The following SPAG6 variants were observed in gnomAD, a reference collection of about 807,000 sequenced individuals.
SPAG6 encodes the protein sperm associated antigen 6.
A neutral mutation model predicts 58.5 loss-of-function variants in SPAG6; 49 were observed. The observed-to-expected ratio is 0.84, with a 90% CI of 0.67 to 1.06. The LOEUF (loss-of-function observed/expected upper bound fraction) is 1.06, where lower values mean the gene tolerates loss of function less well. Among genes scored for constraint, SPAG6 ranks in the 50% least tolerant of loss-of-function variants. The pLI is 0.00. For missense variants in SPAG6, 560 were observed against 611.3 expected (o/e 0.92, Z 0.89); for synonymous variants, 233 against 225.6 (o/e 1.03, Z -0.29).
At chr10:22,398,277 G>A (rs973171580) in intron 8 of SPAG6, among the ~76,000 whole-genome samples, 2 of 152,178 alleles carry the variant, frequency 1.3e-5, no homozygotes, top group African/African-American at 4.8e-5. Context: ...AAATATAAGT[G>A]TTAAGATTAT....
chr10:22,369,083 G>A (rs958087458), intron 4 of SPAG6, among the ~76,000 whole-genome samples: 1 of 152,136 alleles, frequency 6.6e-6, no homozygotes, highest in African/African-American at 2.4e-5. Context: ...CCCTCTTGGG[G>A]TCATTTGGTC....
chr10:22,405,066 A>G (rs929347708), intron 9 of SPAG6, among the ~76,000 whole-genome samples: 2 of 152,202 alleles, frequency 1.3e-5, no homozygotes, highest in African/African-American at 4.8e-5. Flanking sequence ...TAGATATACA[A>G]TCATGTCGTC....
intron 9 of SPAG6, among the ~76,000 whole-genome samples, chr10:22,410,273 A>G (rs1834696778): frequency 6.6e-6 from 1 of 152,210 alleles, no homozygotes; most frequent in Admixed American, 6.5e-5. Context: ...GAGGGAAATG[A>G]ATGAATGAAC....
intron 2 of SPAG6, among the ~76,000 whole-genome samples, chr10:22,355,198 G>T (rs936500212): frequency 6.6e-6 from 1 of 152,188 alleles, no homozygotes; most frequent in Non-Finnish European, 1.5e-5. Flanking sequence ...AGACAGTAGG[G>T]AGGAGAAACC....
At chr10:22,369,043 A>G (rs140169721) in intron 4 of SPAG6, among the ~76,000 whole-genome samples, 253 of 152,300 alleles carry the variant, frequency 1.7e-3, no homozygotes, top group African/African-American at 5.7e-3. Context: ...TTACTTTTGC[A>G]TTAACCTAAT....
chr10:22,353,496 C>T (rs903386467), intron 2 of SPAG6, among the ~76,000 whole-genome samples: 13 of 152,344 alleles, frequency 8.5e-5, no homozygotes, highest in South Asian at 2.1e-4. Flanking sequence ...GTGCTACGCA[C>T]GTACCTGACT....
chr10:22,358,454 T>G lies in SPAG6; in HGVS notation c.122-6399T>G, dbSNP rs1476918820. On this transcript the variant is annotated intron_variant, in intron 2 of 10. Transcript: ENST00000376624. ...GTTGTTTTTTTCTTGTAAATTTGTT[T>G]GAGTTCATTGTAGATTCTGGATATT... Among the ~76,000 whole-genome samples, 6 of 151,824 alleles carry G rather than the reference T, an allele frequency of 4.0e-5. No homozygotes were observed. The East Asian group carries it at 5.8e-4, about 15-fold the overall frequency.
chr10:22,396,832 T>C (rs1226098982), intron 8 of SPAG6, among the ~76,000 whole-genome samples: 1 of 152,192 alleles, frequency 6.6e-6, no homozygotes, highest in African/African-American at 2.4e-5. Flanking sequence ...TGCTAGTTAA[T>C]AGGTAAACCA....
Position 22,355,763 on chromosome 10 carries a change from C to A in SPAG6, c.122-9090C>A, listed in dbSNP as rs80229597. Among the ~76,000 whole-genome samples the A allele has an allele frequency of 6.7e-4, 102 of 152,154 alleles. 1 individual carries two copies. The East Asian group carries it at 0.019, about 28-fold the overall frequency. On this transcript the variant is annotated intron_variant, in intron 2 of 10. Coordinates refer to ENST00000376624, the MANE Select transcript of SPAG6 (RefSeq NM_012443.4). ...GTAATTTCTTAATCAAATGCAGGAA[C>A]AATGGCCAGAGGTATATAATCAATA... is the stretch of plus-strand genomic sequence containing the variant.
chr10:22,388,092 C>A, intron 6 of SPAG6, 96 bp downstream of exon 6: 1 of 984,090 alleles, frequency 1.0e-6, no homozygotes, highest in Non-Finnish European at 1.5e-6. Flanking sequence ...GGTTGTGGCA[C>A]ATGATCTAGT....
intron 5 of SPAG6, 64 bp downstream of exon 5, chr10:22,387,023 T>A: frequency 8.3e-7 from 1 of 1,201,758 alleles, no homozygotes; most frequent in Non-Finnish European, 1.2e-6. Flanking sequence ...TGGAAATGTG[T>A]ACACGTGAAT....
At chr10:22,348,159 T>G (rs1377062841) in intron 2 of SPAG6, among the ~76,000 whole-genome samples, 1 of 152,082 alleles carries the variant, frequency 6.6e-6, no homozygotes, top group Non-Finnish European at 1.5e-5. Context: ...CCCAGCTAAT[T>G]TTTGTACTTT....
chr10:22,346,430 G>GTTCCTCTTCTTCTTCTTC (rs1836531776), intron 2 of SPAG6, among the ~76,000 whole-genome samples: 1 of 95,920 alleles, frequency 1.0e-5, no homozygotes, highest in Non-Finnish European at 2.2e-5. Context: ...AGAGAAAATG[G>GTTCCTCTTCTTCTTCTTC]TTCTTCTTCT....
rs552457137 is a variant in SPAG6 at position 22,417,295 on chromosome 10, C to G, written c.*607C>G. 5 of 152,432 alleles carry G rather than the reference C, an allele frequency of 3.3e-5. No homozygotes were observed. Among genetic ancestry groups the G allele is most frequent in the Admixed American group, 3.3e-4 (5 of 15,322 alleles). The allele number at this position is 152,432 out of a possible 1,614,324, so 9.4% of individuals were successfully genotyped here. ...TTCCAAACCTCCTTCCCCACCCTATCTAAAGTGTTCCTTACCTTTCATGGG... is the reference window on the plus strand; with the variant it reads ...TTCCAAACCTCCTTCCCCACCCTATGTAAAGTGTTCCTTACCTTTCATGGG... On this transcript the variant is annotated 3_prime_UTR_variant, in exon 11 of 11. Coordinates refer to ENST00000376624, the MANE Select transcript of SPAG6 (RefSeq NM_012443.4).
chr10:22,377,832 T>A (rs1182768313), intron 4 of SPAG6, among the ~76,000 whole-genome samples: 2 of 152,204 alleles, frequency 1.3e-5, no homozygotes, highest in Non-Finnish European at 2.9e-5. Context: ...TTTTGCTGTC[T>A]AGCCTTCTCC....
At position 22,345,609 on chromosome 10, in the gene SPAG6, G is replaced by T. The variant is rs1588626977; in HGVS notation, c.-3G>T. ...GAGGAGGGCAGACGGCGGCGGGGGC[G>T]CCATGAGTCAGAGGCAGGTGCTGCA... On this transcript the variant is annotated 5_prime_UTR_variant, in exon 1 of 11. Transcript: ENST00000376624. This position sits in a 1 kb window ranked among gnomAD's most constrained non-coding sequence, Gnocchi z 6.3. The T allele has an allele frequency of 6.5e-7, 1 of 1,528,056 alleles. No individual in the cohort carries two copies. Among genetic ancestry groups the T allele is most frequent in the East Asian group, 2.5e-5 (1 of 40,274 alleles). The allele number at this position is 1,528,056 out of a possible 1,614,324, so 94.7% of individuals were successfully genotyped here.
chr10:22,359,087 T>C (rs1364535375), intron 2 of SPAG6, among the ~76,000 whole-genome samples: 2 of 152,206 alleles, frequency 1.3e-5, no homozygotes, highest in African/African-American at 2.4e-5. Flanking sequence ...ACATGGACAG[T>C]CATGTAACCT....
chr10:22,365,073 T>C (rs557884023), intron 3 of SPAG6, 54 bp downstream of exon 3: 127 of 1,364,564 alleles, frequency 9.3e-5, no homozygotes, highest in Admixed American at 2.6e-4. Context: ...TTTTTAAAAA[T>C]GTGACAGTTT....
chr10:22,400,983 A>T (rs1045776879), intron 8 of SPAG6, among the ~76,000 whole-genome samples, 178 bp from the exon 9 acceptor site: 19 of 152,206 alleles, frequency 1.2e-4, no homozygotes, highest in Non-Finnish European at 8.8e-5. Flanking sequence ...AGGATATTCT[A>T]TGATAAAATC....
Sources: gnomAD v4.1 joint callset for allele counts (sites outside exome capture counted in the v4.1 genomes callset) on GRCh38, gnomAD v4.1.1 for gene constraint, Gnocchi (gnomAD v3.1) non-coding constraint, MANE v1.5 for transcripts, NCBI Gene and HGNC (gene_info 2026-07-23, HGNC 2026-07-21) for gene names.